ATP8B4: variants seen among roughly 807,000 people sequenced by gnomAD.
ATP8B4 encodes the protein ATPase phospholipid transporting 8B4 (putative), also known as probable phospholipid-transporting ATPase IM.
In ATP8B4, 133 loss-of-function variants were observed where a neutral mutation model predicts 145.6. The observed-to-expected ratio is 0.91, with a 90% CI of 0.79 to 1.05. The LOEUF is 1.05. Among genes scored for constraint, ATP8B4 ranks in the 50% least tolerant of loss-of-function variants. The probability of loss-of-function intolerance (pLI) is 0.00; values close to 1 mark genes in which losing one functional copy is unlikely to be tolerated. For missense variants in ATP8B4, 1,458 were observed against 1,425.2 expected, an observed-to-expected ratio of 1.02 and a Z score of -0.37; for synonymous variants, 507 against 492.9, an observed-to-expected ratio of 1.03 and a Z score of -0.38.
chr15:49,985,236 A>G (rs1166616919), intron 10 of ATP8B4, among the ~76,000 whole-genome samples: 1 of 151,932 alleles, frequency 6.6e-6, no homozygotes, highest in Non-Finnish European at 1.5e-5. Flanking sequence ...AGCTGGGACT[A>G]CAGGCGCCTG....
chr15:49,889,518 C>T (rs185067012), intron 23 of ATP8B4, among the ~76,000 whole-genome samples: 80 of 152,312 alleles, frequency 5.3e-4, no homozygotes, highest in Admixed American at 1.1e-3. Context: ...CATAAACCAA[C>T]GACAACCCAG....
At chr15:49,966,895 C>T (rs1483027308) in intron 13 of ATP8B4, among the ~76,000 whole-genome samples, 2 of 152,268 alleles carry the variant, frequency 1.3e-5, no homozygotes, top group East Asian at 3.9e-4. Flanking sequence ...GCAAGTGCCC[C>T]TCTGGGACAA....
intron 6 of ATP8B4, among the ~76,000 whole-genome samples, chr15:50,020,645 C>A (rs1452676667): frequency 6.6e-6 from 1 of 152,070 alleles, no homozygotes; most frequent in Non-Finnish European, 1.5e-5. Context: ...TTTCCTAGAC[C>A]AGGCAGAAAA....
chr15:49,992,017 T>G (rs1386891394), intron 9 of ATP8B4, among the ~76,000 whole-genome samples: 1 of 152,176 alleles, frequency 6.6e-6, no homozygotes, highest in Non-Finnish European at 1.5e-5. Flanking sequence ...TTGTGTCCTT[T>G]GTAAAATAGG....
chr15:49,959,489 A>C (rs1393957932), intron 14 of ATP8B4, among the ~76,000 whole-genome samples: 1 of 152,124 alleles, frequency 6.6e-6, no homozygotes, highest in East Asian at 1.9e-4. Flanking sequence ...TAAGAAAAAT[A>C]AATTAAAAGT....
chr15:50,160,356 A>G (rs1215752981), intron 1 of ATP8B4, among the ~76,000 whole-genome samples: 1 of 151,318 alleles, frequency 6.6e-6, no homozygotes, highest in Non-Finnish European at 1.5e-5. Flanking sequence ...GATCTTTTGT[A>G]ATTTTTTTAA....
intron 1 of ATP8B4, among the ~76,000 whole-genome samples, chr15:50,169,626 A>G (rs1419228093): frequency 6.6e-6 from 1 of 152,240 alleles, no homozygotes; most frequent in Middle Eastern, 3.2e-3. Flanking sequence ...AGGCTCGTCA[A>G]CATCCCCAAA....
intron 20 of ATP8B4, among the ~76,000 whole-genome samples, chr15:49,902,784 C>A (rs942354612): frequency 3.9e-5 from 6 of 152,162 alleles, no homozygotes; most frequent in African/African-American, 1.4e-4. Context: ...GCAAGGGAGA[C>A]AAGTTCCTTG....
At chr15:49,862,099 C>G (rs2031930539) in intron 27 of ATP8B4, 146 bp downstream of exon 27, 2 of 1,007,138 alleles carry the variant, frequency 2.0e-6, no homozygotes, top group African/African-American at 3.3e-5. Flanking sequence ...GAAGTCCCAT[C>G]TATTCTGATG....
rs2045980615 is a variant in ATP8B4, at chr15:49,979,615, A to G, written c.1034+2T>C. 2 of 1,457,114 alleles carry G rather than the reference A, an allele frequency of 1.4e-6. No homozygotes were observed. Among genetic ancestry groups the G allele is most frequent in the Admixed American group, 2.2e-5 (1 of 46,286 alleles). The allele number at this position is 1,457,114 out of a possible 1,614,324, so 90.3% of individuals were successfully genotyped here. Reference sequence around the variant, plus strand: ...TCATTAAAATATAAACTCTCATCTTACCTCACATATAAGGAAATGGGTACA... The same window carrying G: ...TCATTAAAATATAAACTCTCATCTTGCCTCACATATAAGGAAATGGGTACA... On this transcript the variant is annotated splice_donor_variant, in intron 12 of 27. Coordinates refer to ENST00000284509, the MANE Select transcript of ATP8B4 (RefSeq NM_024837.4). LOFTEE classifies it high-confidence loss of function.
At position 50,110,564 on chromosome 15, in the gene ATP8B4, C is replaced by G. The variant is rs772709179; in HGVS notation, c.-42-3556G>C. On this transcript the variant is annotated intron_variant, in intron 1 of 27. Transcript: ENST00000284509. ...AGGTTTGCTAAAGTCAAGTCTAGCT[C>G]TAGAAGCAGGAACTTAGGATTTTGA... 5.6e-4 allele frequency among the ~76,000 whole-genome samples: 86 copies of G among 152,316 alleles called. No individual in the cohort carries two copies. The Middle Eastern group carries it at 0.014, about 24-fold the overall frequency.
chr15:50,056,716 TACACACAC>T (rs72305360), intron 3 of ATP8B4, among the ~76,000 whole-genome samples: 6 of 145,982 alleles, frequency 4.1e-5, no homozygotes, highest in East Asian at 2.0e-4. Flanking sequence ...TATATATATA[TACACACAC>T]ACACACACAC....
intron 20 of ATP8B4, among the ~76,000 whole-genome samples, chr15:49,911,784 G>C (rs192391136): frequency 4.6e-5 from 7 of 152,144 alleles, no homozygotes; most frequent in African/African-American, 1.4e-4. Context: ...TCATAAGTTA[G>C]GCCTCAAAAT....
upstream of ATP8B4, among the ~76,000 whole-genome samples, chr15:50,123,873 T>C (rs1322062795): frequency 6.6e-6 from 1 of 152,120 alleles, no homozygotes; most frequent in Non-Finnish European, 1.5e-5. Context: ...TCCCCAAGCA[T>C]ATCCTTTCCA....
chr15:49,887,709 T>C (rs1402542696), intron 23 of ATP8B4, among the ~76,000 whole-genome samples: 5 of 151,936 alleles, frequency 3.3e-5, no homozygotes, highest in Non-Finnish European at 7.4e-5. Context: ...AACTTCACTG[T>C]TTTTTCTATT....
At chr15:50,084,977 C>T (rs1308409681) in intron 2 of ATP8B4, among the ~76,000 whole-genome samples, 1 of 152,172 alleles carries the variant, frequency 6.6e-6, no homozygotes, top group Non-Finnish European at 1.5e-5. Context: ...AATGTATTCA[C>T]AGGTTCTGGG....
intron 3 of ATP8B4, among the ~76,000 whole-genome samples, chr15:50,071,426 A>G (rs2053728213): frequency 6.6e-6 from 1 of 152,266 alleles, no homozygotes; most frequent in Non-Finnish European, 1.5e-5. Context: ...GGCTTTCCTT[A>G]TAGGGTTACT....
intron 1 of ATP8B4, among the ~76,000 whole-genome samples, chr15:50,143,319 C>A (rs1465193877): frequency 6.6e-6 from 1 of 152,198 alleles, no homozygotes; most frequent in Non-Finnish European, 1.5e-5. Context: ...TGCAGTCACC[C>A]AGGGGCTTGA....
chr15:50,157,892 T>C (rs964612173), intron 1 of ATP8B4, among the ~76,000 whole-genome samples: 4 of 152,194 alleles, frequency 2.6e-5, no homozygotes, highest in Non-Finnish European at 4.4e-5. Context: ...GTGCCTGCGA[T>C]TGCAGGCGCG....
Sources: allele counts gnomAD v4.1 joint callset (sites outside exome capture counted in the v4.1 genomes callset), GRCh38; gene constraint gnomAD v4.1.1; transcripts MANE v1.5; gene names NCBI Gene and HGNC (gene_info 2026-07-23, HGNC 2026-07-21).